Variants in TXNDC15 observed in about 807,000 individuals in gnomAD.
TXNDC15 encodes the protein thioredoxin domain-containing protein 15.
A neutral mutation model predicts 35.0 loss-of-function variants in TXNDC15; 24 were observed. That is an observed-to-expected ratio of 0.68 (90% CI 0.50 to 0.96). The LOEUF (loss-of-function observed/expected upper bound fraction) is 0.96. TXNDC15 is among the 40% of genes least tolerant of loss of function. The pLI, the probability that TXNDC15 is intolerant of heterozygous loss-of-function variation, is 0.00. For missense variants in TXNDC15, 385 were observed against 453.3 expected, an observed-to-expected ratio of 0.85 and a Z score of 1.37; for synonymous variants, 169 against 174.0, an observed-to-expected ratio of 0.97 and a Z score of 0.23.
upstream of TXNDC15, chr5:134,873,916 A>G (rs1348741789): frequency 6.6e-6 from 1 of 152,472 alleles, no homozygotes; most frequent in Non-Finnish European, 1.5e-5. Context: ...AAATTCAAAT[A>G]TAACTGGGTA....
Position 134,887,931 on chromosome 5 carries a change from T to C in TXNDC15, c.340T>C (p.Cys114Arg). ...KVSSEPSGVT[C>R]GAGGAEDSRC... ...GAGTTCAGAGCCTAGCGGCGTCACC[T>C]GTGGTGCTGGAGGAGCGGAGGACTC... The change falls in exon 2 of 5, where the codon TGT becomes CGT. Residue 114 changes from cysteine (C) to arginine (R), a missense_variant. Physicochemically the swap from Cys to Arg is radical, Grantham distance 180. Coordinates refer to ENST00000358387, the MANE Select transcript of TXNDC15 (RefSeq NM_024715.4). The C allele has an allele frequency of 6.2e-7, 1 of 1,614,196 alleles. No homozygotes were observed.
chr5:134,877,655 T>C (rs1309702106), intron 1 of TXNDC15, among the ~76,000 whole-genome samples: 1 of 152,086 alleles, frequency 6.6e-6, no homozygotes, highest in Non-Finnish European at 1.5e-5. Context: ...TCACCCAGGC[T>C]GGAGTGCAGT....
At position 134,887,724 on chromosome 5, in the gene TXNDC15, G is replaced by C. The variant is rs1483893853; in HGVS notation, c.133G>C (p.Glu45Gln). 1 of 1,604,198 alleles carries C rather than the reference G, an allele frequency of 6.2e-7. No homozygotes were observed. Among genetic ancestry groups the C allele is most frequent in the Non-Finnish European group, 8.5e-7 (1 of 1,173,178 alleles). ...VAEESGRLWSEEQPAHPLQVG... is the reference protein window; with the variant it reads ...VAEESGRLWSQEQPAHPLQVG... ...AGAGGAAAGTGGTCGCTTATGGTCAGAGGAGCAGCCTGCTCACCCTCTCCA... is the reference window on the plus strand; with the variant it reads ...AGAGGAAAGTGGTCGCTTATGGTCACAGGAGCAGCCTGCTCACCCTCTCCA... The change falls in exon 2 of 5, where the codon GAG (glutamate) becomes CAG (glutamine). Residue 45 changes from glutamate (E) to glutamine (Q), a missense_variant. Physicochemically the swap from Glu to Gln is conservative, Grantham distance 29. Transcript: ENST00000358387.
chr5:134,878,157 C>T (rs1310872967), intron 1 of TXNDC15, among the ~76,000 whole-genome samples: 2 of 152,204 alleles, frequency 1.3e-5, no homozygotes, highest in Non-Finnish European at 2.9e-5. Flanking sequence ...AGTAATCTGC[C>T]TGCCTTGGCC....
rs1412927287 is a variant in TXNDC15 at position 134,900,505 on chromosome 5, C to T, written c.*820C>T. 2.0e-5 allele frequency: 3 copies of T among 152,106 alleles called. No homozygotes were observed. The highest frequency in any genetic ancestry group is 1.3e-4 in the Admixed American group (2 of 15,262). 9.4% of individuals were successfully genotyped at this position (152,106 alleles called of 1,614,324 possible). On this transcript the variant is annotated 3_prime_UTR_variant, in exon 5 of 5. Transcript: ENST00000358387. ...CCTGGCCAACTTGGTGAAACCCTCT[C>T]TCTACTAAAAATACAAAAAATTAGC...
At chr5:134,874,672 C>G (rs1338172263) in intron 1 of TXNDC15, 142 bp downstream of exon 1, 1 of 670,122 alleles carries the variant, frequency 1.5e-6, no homozygotes, top group Admixed American at 3.8e-5. Flanking sequence ...CCCGACTTCT[C>G]TCCCCGCGCA....
intron 1 of TXNDC15, among the ~76,000 whole-genome samples, chr5:134,884,007 T>G (rs1580861292): frequency 6.7e-6 from 1 of 148,660 alleles, no homozygotes; most frequent in South Asian, 2.1e-4. Flanking sequence ...TCACCCGAGG[T>G]CAGGAGTTCG....
At position 134,874,492 on chromosome 5, in the gene TXNDC15, TG is replaced by T; in HGVS notation, c.66del (p.Leu22PhefsTer71). 1 of 1,605,428 alleles carries T rather than the reference TG, an allele frequency of 6.2e-7. No individual in the cohort carries two copies. The highest frequency in any genetic ancestry group is 8.5e-7 in the Non-Finnish European group (1 of 1,177,738). Reference protein sequence around the residue: ...VMRLLGWWQVLLWVLGLPVRG... With the variant: ...VMRLLGWWQVXLWVLGLPVRG... ...CGGCTCCTCGGCTGGTGGCAAGTAT[TG>T]CTGTGGGTGCTGGGACTTCCCGTCC... On this transcript the variant is annotated frameshift_variant, in exon 1 of 5. Coordinates refer to ENST00000358387, the MANE Select transcript of TXNDC15 (RefSeq NM_024715.4). LOFTEE classifies it high-confidence loss of function.
At chr5:134,890,391 T>C (rs538094632) in intron 2 of TXNDC15, among the ~76,000 whole-genome samples, 1 of 150,596 alleles carries the variant, frequency 6.6e-6, no homozygotes, top group East Asian at 1.9e-4. Flanking sequence ...CTTCTCTTCT[T>C]TTCTCTTCTC....
intron 2 of TXNDC15, among the ~76,000 whole-genome samples, chr5:134,891,807 T>G (rs1033433092): frequency 6.6e-6 from 1 of 152,026 alleles, no homozygotes; most frequent in Non-Finnish European, 1.5e-5. Flanking sequence ...CACCAGCTAC[T>G]TGGGAGGCTG....
intron 1 of TXNDC15, among the ~76,000 whole-genome samples, chr5:134,881,933 C>G (rs1412397925): frequency 6.7e-6 from 1 of 150,264 alleles, no homozygotes; most frequent in Non-Finnish European, 1.5e-5. Flanking sequence ...GGCGGCTGGC[C>G]AGGTGGGGGG....
At chr5:134,874,343 G>T, upstream of TXNDC15, 1 of 1,193,116 alleles carries the variant, frequency 8.4e-7, no homozygotes, top group Non-Finnish European at 1.1e-6. Context: ...CCGCGCCCGC[G>T]CTCCCAGGCT....
intron 1 of TXNDC15, among the ~76,000 whole-genome samples, chr5:134,878,353 T>C (rs1265107613): frequency 6.6e-6 from 1 of 152,250 alleles, no homozygotes; most frequent in Admixed American, 6.5e-5. Flanking sequence ...TCTTTTCTCA[T>C]TTAATCTTCA....
At chr5:134,886,061 G>A (rs1163418972) in intron 1 of TXNDC15, among the ~76,000 whole-genome samples, 1 of 152,154 alleles carries the variant, frequency 6.6e-6, no homozygotes, top group African/African-American at 2.4e-5. Flanking sequence ...AATGATTCTA[G>A]CATGAAGAAA....
intron 1 of TXNDC15, 124 bp from the exon 2 acceptor site, chr5:134,887,571 T>C: frequency 8.1e-7 from 1 of 1,227,602 alleles, no homozygotes; most frequent in Non-Finnish European, 1.1e-6. Flanking sequence ...TCTCTGATAG[T>C]TTAATGAAAG....
At chr5:134,878,585 G>T (rs910658982) in intron 1 of TXNDC15, among the ~76,000 whole-genome samples, 1 of 152,214 alleles carries the variant, frequency 6.6e-6, no homozygotes, top group Non-Finnish European at 1.5e-5. Context: ...GCTGACCTAG[G>T]CTAGGGCTCC....
intron 1 of TXNDC15, among the ~76,000 whole-genome samples, chr5:134,875,890 G>A (rs1389740377): frequency 6.6e-6 from 1 of 151,968 alleles, no homozygotes; most frequent in Non-Finnish European, 1.5e-5. Flanking sequence ...CGCTGGTCTG[G>A]AACTCCTGAC....
chr5:134,894,174 C>T (rs2150189833), intron 3 of TXNDC15, among the ~76,000 whole-genome samples: 1 of 151,928 alleles, frequency 6.6e-6, no homozygotes, highest in East Asian at 1.9e-4. Context: ...GTAGTAGGCA[C>T]TCGATCAAGT....
At chr5:134,874,334 C>G (rs940344367), upstream of TXNDC15, 6 of 1,110,214 alleles carry the variant, frequency 5.4e-6, no homozygotes, top group Non-Finnish European at 7.3e-6. Flanking sequence ...GGCGCGGGGC[C>G]GCGCCCGCGC....
Sources: gnomAD v4.1 joint callset for allele counts (sites outside exome capture counted in the v4.1 genomes callset) on GRCh38, gnomAD v4.1.1 for gene constraint, MANE v1.5 for transcripts, NCBI Gene and HGNC (gene_info 2026-07-23, HGNC 2026-07-21) for gene names.